The following ABLIM3 variants were observed in gnomAD, a reference collection of about 807,000 sequenced individuals.
The protein encoded by ABLIM3 is actin-binding LIM protein 3.
ABLIM3 carries 61 observed loss-of-function variants against 109.5 expected under a neutral mutation model. That is an observed-to-expected ratio of 0.56 (90% CI 0.45 to 0.69). The LOEUF is 0.69. Ranked by LOEUF, ABLIM3 falls within the 30% of genes least tolerant of loss-of-function variation. The pLI is 0.00. For missense variants in ABLIM3, 796 were observed against 889.5 expected (o/e 0.89, Z 1.34); for synonymous variants, 300 against 324.8 (o/e 0.92, Z 0.82).
intron 2 of ABLIM3, among the ~76,000 whole-genome samples, chr5:149,145,691 G>A (rs981639402): frequency 1.3e-5 from 2 of 152,060 alleles, no homozygotes; most frequent in Non-Finnish European, 1.5e-5. Context: ...CATTCTGACT[G>A]GTGTGAGATG....
At chr5:149,196,014 G>A (rs374566580) in intron 3 of ABLIM3, among the ~76,000 whole-genome samples, 6 of 152,304 alleles carry the variant, frequency 3.9e-5, no homozygotes, top group Non-Finnish European at 4.4e-5. Flanking sequence ...TTCATTCTGC[G>A]TACAAGTGAA....
Position 149,218,422 on chromosome 5 carries a change from T to C in ABLIM3, c.757+1376T>C, listed in dbSNP as rs986567827. The C allele has an allele frequency of 4.6e-5, 7 of 152,188 alleles. No homozygotes were observed. In the East Asian group the frequency reaches 1.3e-3, roughly 29 times the overall value. The allele number at this position is 152,188 out of a possible 1,614,324, so 9.4% of individuals were successfully genotyped here. On this transcript the variant is annotated intron_variant, in intron 8 of 23. Coordinates refer to ENST00000309868, the MANE Select transcript of ABLIM3 (RefSeq NM_014945.5). ...GGGTTCGAATTTTGGCATATGGATG[T>C]GGGGGACACAAAAACATCCAGACCA...
chr5:149,203,710 TTAC>T (rs1449428814), intron 5 of ABLIM3, among the ~76,000 whole-genome samples: 5 of 145,632 alleles, frequency 3.4e-5, no homozygotes, highest in Admixed American at 1.4e-4. Flanking sequence ...ACCATTATTA[TTAC>T]CACCATCATC....
intron 13 of ABLIM3, 126 bp downstream of exon 13, chr5:149,240,014 C>A: frequency 7.5e-7 from 1 of 1,341,438 alleles, no homozygotes; most frequent in Non-Finnish European, 9.8e-7. Context: ...CCTCTGGAGG[C>A]CTATGGCCAC....
chr5:149,201,970 A>G (rs1758535079), intron 5 of ABLIM3, among the ~76,000 whole-genome samples: 1 of 152,248 alleles, frequency 6.6e-6, no homozygotes, highest in Admixed American at 6.5e-5. Context: ...GCGTTGGGGA[A>G]AGCAAATGTA....
chr5:149,188,189 A>G (rs975695364), intron 3 of ABLIM3, among the ~76,000 whole-genome samples: 5 of 152,234 alleles, frequency 3.3e-5, no homozygotes, highest in Admixed American at 3.3e-4. Context: ...AGAAAATGAA[A>G]TAAAAGGCAT....
intron 2 of ABLIM3, among the ~76,000 whole-genome samples, chr5:149,179,238 A>G (rs766408889): frequency 5.9e-5 from 9 of 152,250 alleles, no homozygotes; most frequent in Admixed American, 1.3e-4. Flanking sequence ...TGGTATGCAT[A>G]TAAAAGAGGG....
At chr5:149,239,701 T>G (rs922328035) in intron 12 of ABLIM3, 58 bp from the exon 13 acceptor site, 23 of 1,523,544 alleles carry the variant, frequency 1.5e-5, no homozygotes, top group Non-Finnish European at 2.0e-5. Context: ...TGCTAGACCC[T>G]CGGGCCACAG....
chr5:149,203,917 A>G (rs769219538), intron 5 of ABLIM3, among the ~76,000 whole-genome samples: 6 of 152,250 alleles, frequency 3.9e-5, no homozygotes, highest in East Asian at 3.8e-4. Flanking sequence ...CTCAGTGAGC[A>G]TAAATGACTT....
At chr5:149,183,963 G>T (rs1581071076) in intron 3 of ABLIM3, among the ~76,000 whole-genome samples, 2 of 133,402 alleles carry the variant, frequency 1.5e-5, no homozygotes, top group Non-Finnish European at 3.1e-5. Context: ...TTTGTTTTTT[G>T]TTTTTTGGTT....
At chr5:149,201,677 G>A (rs1383565294) in intron 5 of ABLIM3, among the ~76,000 whole-genome samples, 1 of 152,150 alleles carries the variant, frequency 6.6e-6, no homozygotes, top group Non-Finnish European at 1.5e-5. Context: ...CCATGTCAAG[G>A]TGACTGAGTG....
At chr5:149,238,411 G>A (rs1399654776) in intron 11 of ABLIM3, among the ~76,000 whole-genome samples, 1 of 152,110 alleles carries the variant, frequency 6.6e-6, no homozygotes, top group Non-Finnish European at 1.5e-5. Flanking sequence ...AGGGATTTGG[G>A]TTCCATTTGG....
At position 149,258,973 on chromosome 5, in the gene ABLIM3, A is replaced by G; in HGVS notation, c.*569A>G. On this transcript the variant is annotated 3_prime_UTR_variant, in exon 24 of 24. Transcript: ENST00000309868. ...TCAAATCTAGTCATTACACCAGTCA[A>G]CAGAAGTGGACAGGGCCTAGGCCTC... 3.0e-6 allele frequency: 3 copies of G among 991,370 alleles called. No individual in the cohort carries two copies. Among genetic ancestry groups the G allele is most frequent in the Non-Finnish European group, 3.6e-6 (3 of 833,736 alleles). 61.4% of individuals were successfully genotyped at this position (991,370 alleles called of 1,614,324 possible). A position where few individuals can be genotyped will look rare whatever the true frequency, so the allele number is the denominator to read the frequency against.
At position 149,237,609 on chromosome 5, in the gene ABLIM3, G is replaced by A. The variant is rs772690429; in HGVS notation, c.1044+6G>A. ...AGAGATGTGGCTATGGAGAGGTATC[G>A]CATCTTGCCCTTCTCTCTGGGGCTA... On this transcript the variant is annotated splice_donor_region_variant and intron_variant, in intron 11 of 23. Coordinates refer to ENST00000309868, the MANE Select transcript of ABLIM3 (RefSeq NM_014945.5). 52 of 1,613,778 alleles carry A rather than the reference G, an allele frequency of 3.2e-5. No individual in the cohort carries two copies. The highest frequency in any genetic ancestry group is 3.9e-5 in the Non-Finnish European group (46 of 1,179,966).
At chr5:149,244,591 C>G (rs970965091) in intron 15 of ABLIM3, 3 of 429,374 alleles carry the variant, frequency 7.0e-6, no homozygotes, top group African/African-American at 4.0e-5. Flanking sequence ...ATGGAATGTG[C>G]TGGAAAGAGC....
chr5:149,204,484 T>C (rs1758779696), intron 5 of ABLIM3, among the ~76,000 whole-genome samples: 2 of 152,228 alleles, frequency 1.3e-5, no homozygotes, highest in East Asian at 1.9e-4. Context: ...AGCAGTATAA[T>C]ATAAAAAGAA....
intron 5 of ABLIM3, among the ~76,000 whole-genome samples, chr5:149,201,122 C>T (rs752598103): frequency 7.2e-5 from 11 of 152,238 alleles, no homozygotes; most frequent in Admixed American, 6.5e-5. Flanking sequence ...ACCAGGAGCG[C>T]GCCTCAGAAT....
Position 149,258,881 on chromosome 5 carries a change from A to T in ABLIM3, c.*477A>T. On this transcript the variant is annotated 3_prime_UTR_variant, in exon 24 of 24. Coordinates refer to ENST00000309868, the MANE Select transcript of ABLIM3 (RefSeq NM_014945.5). Reference sequence around the variant, plus strand: ...GAGCACCTTTGAGCGCCCACGAAGAACTTTCTCAACACCCCCAATTAGGAG... The same window carrying T: ...GAGCACCTTTGAGCGCCCACGAAGATCTTTCTCAACACCCCCAATTAGGAG... The T allele has an allele frequency of 1.0e-6, 1 of 989,676 alleles. No individual in the cohort carries two copies. Among genetic ancestry groups the T allele is most frequent in the Non-Finnish European group, 1.2e-6 (1 of 832,832 alleles). The allele number at this position is 989,676 out of a possible 1,614,324, so 61.3% of individuals were successfully genotyped here.
rs1754669874 is a variant in ABLIM3, at chr5:149,258,753, T to C, written c.*349T>C. 3.0e-6 allele frequency: 3 copies of C among 1,003,562 alleles called. No homozygotes were observed. The highest frequency in any genetic ancestry group is 3.6e-6 in the Non-Finnish European group (3 of 842,394). 62.2% of individuals were successfully genotyped at this position (1,003,562 alleles called of 1,614,324 possible). Reference sequence around the variant, plus strand: ...TCTTCTCTCTGCTTCGTGGCCCCTTTCTTAAATTTCTAGGGCTGATGCTGA... The same window carrying C: ...TCTTCTCTCTGCTTCGTGGCCCCTTCCTTAAATTTCTAGGGCTGATGCTGA... On this transcript the variant is annotated 3_prime_UTR_variant, in exon 24 of 24. Transcript: ENST00000309868.
Sources: allele counts gnomAD v4.1 joint callset (sites outside exome capture counted in the v4.1 genomes callset), GRCh38; gene constraint gnomAD v4.1.1; transcripts MANE v1.5; gene names NCBI Gene and HGNC (gene_info 2026-07-23, HGNC 2026-07-21).